Variants in BRCA2 observed in about 807,000 individuals in gnomAD.
BRCA2 encodes BRCA2 DNA repair associated.
A neutral mutation model predicts 276.7 loss-of-function variants in BRCA2; 203 were observed. The observed-to-expected ratio is 0.73, with a 90% CI of 0.65 to 0.82. BRCA2 has a LOEUF of 0.82. BRCA2 is among the 40% of genes least tolerant of loss of function. The pLI, the probability that BRCA2 is intolerant of heterozygous loss-of-function variation, is 0.00. For synonymous variants in BRCA2, 1,289 were observed against 1,338.4 expected, an observed-to-expected ratio of 0.96 and a Z score of 0.81; for missense variants, 3,920 against 3,915.0, an observed-to-expected ratio of 1.00 and a Z score of -0.03.
At position 32,392,154 on chromosome 13, in the gene BRCA2, A is replaced by G. The variant is rs188224832; in HGVS notation, c.9257-2535A>G. Among the ~76,000 whole-genome samples the G allele has an allele frequency of 9.2e-5, 14 of 152,374 alleles. No homozygotes were observed. In the East Asian group the frequency reaches 2.7e-3, roughly 29 times the overall value. On this transcript the variant is annotated intron_variant, in intron 24 of 26. Coordinates refer to ENST00000380152, the MANE Select transcript of BRCA2 (RefSeq NM_000059.4). ...ATTAAATAAATTTGAAATGAAAAGA[A>G]AGAAAAGATGAACCATCATTTGCAA...
intron 16 of BRCA2, 75 bp downstream of exon 16, chr13:32,358,004 C>G (rs553623899): frequency 6.6e-7 from 1 of 1,524,396 alleles, no homozygotes; most frequent in Non-Finnish European, 9.0e-7. Flanking sequence ...AACTGTCTCT[C>G]GAACTAAAAA....
rs3752451 is a variant in BRCA2, at chr13:32,326,796, T to A, written c.631+183T>A. Among the ~76,000 whole-genome samples, 50,653 of 151,724 alleles carry A rather than the reference T, an allele frequency of 0.33. 8,620 individuals carry two copies. Among genetic ancestry groups the A allele is most frequent in the East Asian group, 0.5 (2,576 of 5,164 alleles). ...AGATTGGAATAAATACAAATACATTTAGTGGTAGTCCAGTGGTGTCAAGCA... is the reference window on the plus strand; with the variant it reads ...AGATTGGAATAAATACAAATACATTAAGTGGTAGTCCAGTGGTGTCAAGCA... On this transcript the variant is annotated intron_variant, in intron 7 of 26. Coordinates refer to ENST00000380152, the MANE Select transcript of BRCA2 (RefSeq NM_000059.4).
rs186227858 is a variant in BRCA2 at position 32,398,886 on chromosome 13, G to C, written c.*116G>C. On this transcript the variant is annotated 3_prime_UTR_variant, in exon 27 of 27. Coordinates refer to ENST00000380152, the MANE Select transcript of BRCA2 (RefSeq NM_000059.4). ...TGTTGCACAATGAGAAAAGAAATTA[G>C]TTTCAAATTTACCTCAGCGTTTGTG... 1.5e-6 allele frequency: 2 copies of C among 1,348,878 alleles called. No homozygotes were observed. Among genetic ancestry groups the C allele is most frequent in the Non-Finnish European group, 2.0e-6 (2 of 1,009,610 alleles). The allele number at this position is 1,348,878 out of a possible 1,614,324, so 83.6% of individuals were successfully genotyped here.
rs2072247345 is a variant in BRCA2 at position 32,315,563 on chromosome 13, G to T, written c.-144G>T. ...CTCTGCTGCGCCTCGGGTGTCTTTT[G>T]CGGCGGTGGGTCGCCGCCGGGAGAA... On this transcript the variant is annotated 5_prime_UTR_variant, in exon 1 of 27. Transcript: ENST00000380152. The T allele has an allele frequency of 6.6e-6, 1 of 152,320 alleles. No individual in the cohort carries two copies. The highest frequency in any genetic ancestry group is 6.5e-5 in the Admixed American group (1 of 15,290). 9.4% of individuals were successfully genotyped at this position (152,320 alleles called of 1,614,324 possible). A position where few individuals can be genotyped will look rare whatever the true frequency, so the allele number is the denominator to read the frequency against.
In BRCA2 at chr13:32,355,828, C is replaced by T. The variant is rs572461196; in HGVS notation, c.7435+540C>T. 5.3e-5 allele frequency among the ~76,000 whole-genome samples: 8 copies of T among 151,618 alleles called. No homozygotes were observed. In the South Asian group the frequency reaches 1.7e-3, roughly 32 times the overall value. The stretch of plus-strand genomic sequence containing the variant: ...CCGGGAGGCAGAGGTTGCAGTGAGC[C>T]GAGATCGCGCCATTGCACTCCAGCC... On this transcript the variant is annotated intron_variant, in intron 14 of 26. Coordinates refer to ENST00000380152, the MANE Select transcript of BRCA2 (RefSeq NM_000059.4).
intron 3 of BRCA2, 86 bp from the exon 4 acceptor site, chr13:32,324,990 G>A (rs2137445551): frequency 1.1e-6 from 1 of 920,380 alleles, no homozygotes; most frequent in South Asian, 1.4e-5. Flanking sequence ...GTATAGAGGA[G>A]ACTTTTTGTT....
chr13:32,339,575 A>C lies in BRCA2; in HGVS notation c.5220A>C (p.Leu1740Phe), dbSNP rs750671399. 11 of 1,609,568 alleles carry C rather than the reference A, an allele frequency of 6.8e-6. No individual in the cohort carries two copies. The South Asian group carries it at 1.1e-4, about 16-fold the overall frequency. The change falls in exon 11 of 27, where the codon TTA becomes TTC. Residue 1740 changes from leucine to phenylalanine, a missense_variant. Leu to Phe is a conservative substitution (Grantham distance 22). Transcript: ENST00000380152. ...NHLSEKQDTY[L>F]SNSSMSNSYS... is the part of the protein sequence containing the mutation. ...TCTCCGAAAAACAAGATACTTATTT[A>C]AGTAACAGTAGCATGTCTAACAGCT...
At position 32,371,798 on chromosome 13, in the gene BRCA2, A is replaced by C. The variant is rs1375270485; in HGVS notation, c.8632+698A>C. On this transcript the variant is annotated intron_variant, in intron 20 of 26. Coordinates refer to ENST00000380152, the MANE Select transcript of BRCA2 (RefSeq NM_000059.4). Reference sequence around the variant, plus strand: ...TATTACAGTAGAGCAAATCACACGAATATTTTGGTTTCCCAGAGCATACAA... The same window carrying C: ...TATTACAGTAGAGCAAATCACACGACTATTTTGGTTTCCCAGAGCATACAA... Among the ~76,000 whole-genome samples, 3 of 152,356 alleles carry C rather than the reference A, an allele frequency of 2.0e-5. No homozygotes were observed. The East Asian group carries it at 5.8e-4, about 29-fold the overall frequency.
intron 16 of BRCA2, among the ~76,000 whole-genome samples, chr13:32,361,685 A>AG (rs1454407938): frequency 6.6e-6 from 1 of 152,140 alleles, no homozygotes; most frequent in Non-Finnish European, 1.5e-5. Context: ...GCAAAGTGTA[A>AG]GGATGCAGAT....
Position 32,316,309 on chromosome 13 carries a change from G to A in BRCA2, c.-39-113G>A, listed in dbSNP as rs1593880426. On this transcript the variant is annotated intron_variant, in intron 1 of 26. Coordinates refer to ENST00000380152, the MANE Select transcript of BRCA2 (RefSeq NM_000059.4). ...ACAGTAAGCTGTTACCGTTCCAGGA[G>A]ATGGGACTGAATTAGAATTCAAACA... 2.9e-5 allele frequency: 21 copies of A among 729,278 alleles called. No homozygotes were observed. The East Asian group carries it at 4.9e-4, about 17-fold the overall frequency. 45.2% of individuals were successfully genotyped at this position (729,278 alleles called of 1,614,324 possible).
chr13:32,391,607 G>A (rs1398806488), intron 24 of BRCA2, among the ~76,000 whole-genome samples: 3 of 152,232 alleles, frequency 2.0e-5, no homozygotes, highest in Non-Finnish European at 4.4e-5. Context: ...GGTGACAGTG[G>A]TTTTATAAAT....
At chr13:32,370,636 T>A in intron 19 of BRCA2, 79 bp downstream of exon 19, 1 of 1,476,850 alleles carries the variant, frequency 6.8e-7, no homozygotes, top group Non-Finnish European at 9.3e-7. Flanking sequence ...GAGATGGAGT[T>A]TCGGTCTCTT....
rs55763607 is a variant in BRCA2, at chr13:32,370,490, C to T, written c.8420C>T (p.Ser2807Leu). 27 of 1,613,778 alleles carry T rather than the reference C, an allele frequency of 1.7e-5. No individual in the cohort carries two copies. Among genetic ancestry groups the T allele is most frequent in the African/African-American group, 9.3e-5 (7 of 74,922 alleles). Reference protein sequence around the residue: ...DPRPFPLPLSSLFSDGGNVGC... With the variant: ...DPRPFPLPLSLLFSDGGNVGC... ...AGACCTTTTCCTCTGCCCTTATCATCGCTTTTCAGTGATGGAGGAAATGTT... is the reference window on the plus strand; with the variant it reads ...AGACCTTTTCCTCTGCCCTTATCATTGCTTTTCAGTGATGGAGGAAATGTT... The change falls in exon 19 of 27, where the codon TCG becomes TTG. Residue 2807 changes from serine to leucine, a missense_variant. This residue lies in a region of BRCA2 where 657 missense variants were observed against 758.2 expected (regional missense o/e 0.87). Transcript: ENST00000380152.
intron 24 of BRCA2, among the ~76,000 whole-genome samples, chr13:32,381,988 AGGAGCT>A (rs2072927475): frequency 6.6e-6 from 1 of 152,234 alleles, no homozygotes; most frequent in Admixed American, 6.5e-5. Context: ...GGGGAAGTTC[AGGAGCT>A]CAGTTTTAGA....
At chr13:32,321,110 T>C (rs1593883832) in intron 3 of BRCA2, among the ~76,000 whole-genome samples, 2 of 152,126 alleles carry the variant, frequency 1.3e-5, no homozygotes, top group East Asian at 3.8e-4. Flanking sequence ...CATAAAACTA[T>C]AGGACCTTGC....
Position 32,346,877 on chromosome 13 carries a change from A to G in BRCA2, c.6988A>G (p.Ile2330Val), listed in dbSNP as rs876661032. Reference sequence around the variant, plus strand: ...TATGCATCATGTTTCTTTAGAGCCGATTACCTGTGTACCCTTTCGGTAAGA... The same window carrying G: ...TATGCATCATGTTTCTTTAGAGCCGGTTACCTGTGTACCCTTTCGGTAAGA... ...LFMHHVSLEPITCVPFRTTKE... is the reference protein window; with the variant it reads ...LFMHHVSLEPVTCVPFRTTKE... The change falls in exon 13 of 27, where the codon ATT becomes GTT. Residue 2330 changes from isoleucine (I) to valine (V), a missense_variant. By Grantham distance (29) the Ile-to-Val change is conservative. Around this residue, in one of 2 missense-constraint regions of BRCA2, gnomAD observed 3,263 missense variants for 3,156.9 expected, o/e 1.03. Transcript: ENST00000380152. 2 of 1,610,140 alleles carry G rather than the reference A, an allele frequency of 1.2e-6. No individual in the cohort carries two copies. The highest frequency in any genetic ancestry group is 1.7e-5 in the Admixed American group (1 of 59,894).
At chr13:32,330,892 A>G (rs1213761932) in intron 8 of BRCA2, 27 bp from the exon 9 acceptor site, 2 of 1,372,308 alleles carry the variant, frequency 1.5e-6, no homozygotes, top group Middle Eastern at 1.8e-4. Flanking sequence ...TTTTTATACT[A>G]GTGATTTTAA....
At chr13:32,330,506 A>C (rs1490828607) in intron 8 of BRCA2, among the ~76,000 whole-genome samples, 1 of 152,216 alleles carries the variant, frequency 6.6e-6, no homozygotes, top group Non-Finnish European at 1.5e-5. Context: ...AATAAGGGTG[A>C]CTTGAACACA....
Position 32,363,266 on chromosome 13 carries a change from C to T in BRCA2, c.8064C>T (p.Leu2688=), listed in dbSNP as rs1057521686. The change falls in exon 18 of 27, where the codon CTC becomes CTT. Residue 2688 remains leucine, a synonymous_variant. Coordinates refer to ENST00000380152, the MANE Select transcript of BRCA2 (RefSeq NM_000059.4). ...RDDTAAKTLV[L]CVSDIISLSA... is the part of the protein sequence containing the mutation. ...ACACAGCTGCAAAAACACTTGTTCT[C>T]TGTGTTTCTGACATAATTTCATTGA... is the stretch of plus-strand genomic sequence containing the variant. 2 of 1,614,100 alleles carry T rather than the reference C, an allele frequency of 1.2e-6. No individual in the cohort carries two copies. Among genetic ancestry groups the T allele is most frequent in the African/African-American group, 1.3e-5 (1 of 75,038 alleles).
Sources: gnomAD v4.1 joint callset for allele counts (sites outside exome capture counted in the v4.1 genomes callset) on GRCh38, gnomAD v4.1.1 for gene constraint, gnomAD v4.1.1 regional missense constraint, MANE v1.5 for transcripts, NCBI Gene and HGNC (gene_info 2026-07-23, HGNC 2026-07-21) for gene names.